The following EXOC6B variants were observed in gnomAD, a reference collection of about 807,000 sequenced individuals.
EXOC6B encodes the protein exocyst complex component 6B.
A neutral mutation model predicts 113.5 loss-of-function variants in EXOC6B; 54 were observed. The observed-to-expected ratio is 0.48, with a 90% CI of 0.38 to 0.60. The LOEUF is 0.60. EXOC6B is among the 20% of genes least tolerant of loss of function. EXOC6B has a pLI of 0.00. For synonymous variants in EXOC6B, 357 were observed against 339.0 expected, an observed-to-expected ratio of 1.05 and a Z score of -0.58; for missense variants, 797 against 977.5, an observed-to-expected ratio of 0.82 and a Z score of 2.46.
At chr2:72,302,529 A>G (rs1686593944) in intron 20 of EXOC6B, among the ~76,000 whole-genome samples, 1 of 152,174 alleles carries the variant, frequency 6.6e-6, no homozygotes, top group Non-Finnish European at 1.5e-5. Context: ...GTGCATATAT[A>G]CTTAAGATAA....
intron 1 of EXOC6B, among the ~76,000 whole-genome samples, chr2:72,781,813 C>G (rs1684056205): frequency 6.6e-6 from 1 of 151,948 alleles, no homozygotes; most frequent in African/African-American, 2.4e-5. Flanking sequence ...AAAGGACATG[C>G]AATCATACGT....
chr2:72,397,617 CAA>C (rs1229846045), intron 18 of EXOC6B, among the ~76,000 whole-genome samples: 1 of 93,408 alleles, frequency 1.1e-5, no homozygotes. Flanking sequence ...AACCTCATCT[CAA>C]AAAAAAAAAA....
intron 6 of EXOC6B, among the ~76,000 whole-genome samples, chr2:72,713,328 T>C (rs1041614725): frequency 6.6e-6 from 1 of 152,208 alleles, no homozygotes; most frequent in Non-Finnish European, 1.5e-5. Flanking sequence ...CTTTCAAGTC[T>C]GTTTTCTCAG....
rs868340403 is a variant in EXOC6B, at chr2:72,575,120, G to A, written c.846+372C>T. On this transcript the variant is annotated intron_variant, in intron 7 of 21. Coordinates refer to ENST00000272427, the MANE Select transcript of EXOC6B (RefSeq NM_015189.3). ...ATTTGTTCACTCTTCAGCTTTCGAA[G>A]TAACATTTTTTTGTTTTTCTGGACT... 3.3e-5 allele frequency among the ~76,000 whole-genome samples: 5 copies of A among 152,212 alleles called. No individual in the cohort carries two copies. In the South Asian group the frequency reaches 1.0e-3, roughly 32 times the overall value.
intron 7 of EXOC6B, among the ~76,000 whole-genome samples, chr2:72,563,831 A>G (rs866958025): frequency 3.3e-5 from 5 of 152,296 alleles, no homozygotes; most frequent in Middle Eastern, 3.4e-3. Context: ...AGTTCCTCTC[A>G]TGGCACATGA....
chr2:72,577,130 C>T (rs1342802180), intron 6 of EXOC6B, among the ~76,000 whole-genome samples: 1 of 152,014 alleles, frequency 6.6e-6, no homozygotes, highest in African/African-American at 2.4e-5. Flanking sequence ...AATGGACATA[C>T]TTGTTTCTCT....
intron 6 of EXOC6B, among the ~76,000 whole-genome samples, chr2:72,594,692 G>A (rs1190868316): frequency 6.6e-6 from 1 of 152,020 alleles, no homozygotes; most frequent in Non-Finnish European, 1.5e-5. Flanking sequence ...TATTTTCTAT[G>A]AGAAAAAAGA....
chr2:72,739,292 T>A (rs762888499), intron 2 of EXOC6B, among the ~76,000 whole-genome samples: 1 of 152,168 alleles, frequency 6.6e-6, no homozygotes, highest in Non-Finnish European at 1.5e-5. Context: ...CACCTTATTG[T>A]TTAAATTTGC....
chr2:72,615,601 A>C (rs1671336658), intron 6 of EXOC6B, among the ~76,000 whole-genome samples: 1 of 151,928 alleles, frequency 6.6e-6, no homozygotes, highest in Non-Finnish European at 1.5e-5. Context: ...AAAAAAAAAA[A>C]AAAACCACTG....
chr2:72,629,019 AT>A (rs890883806), intron 6 of EXOC6B, among the ~76,000 whole-genome samples: 3 of 152,138 alleles, frequency 2.0e-5, no homozygotes, highest in Non-Finnish European at 4.4e-5. Flanking sequence ...TCAATTTTCC[AT>A]GTTTAACCCT....
intron 6 of EXOC6B, among the ~76,000 whole-genome samples, chr2:72,716,627 T>C (rs1199334200): frequency 6.6e-6 from 1 of 152,150 alleles, no homozygotes; most frequent in Non-Finnish European, 1.5e-5. Flanking sequence ...TTGAGTACCA[T>C]AGTAGACAAA....
intron 19 of EXOC6B, among the ~76,000 whole-genome samples, chr2:72,378,453 C>G (rs969616571): frequency 5.9e-5 from 9 of 152,286 alleles, no homozygotes. Flanking sequence ...GCAAGATTAC[C>G]TTATGTGTTT....
intron 1 of EXOC6B, among the ~76,000 whole-genome samples, chr2:72,754,232 T>A (rs1682250961): frequency 6.6e-6 from 1 of 152,024 alleles, no homozygotes; most frequent in Admixed American, 6.6e-5. Context: ...AAGAAACTGC[T>A]TTGGTTCATA....
chr2:72,441,112 C>T (rs1326170835), intron 18 of EXOC6B, among the ~76,000 whole-genome samples: 1 of 152,096 alleles, frequency 6.6e-6, no homozygotes, highest in Non-Finnish European at 1.5e-5. Flanking sequence ...TCTTGTAAGG[C>T]AGATAAGGTG....
At chr2:72,399,977 C>A (rs953566923) in intron 18 of EXOC6B, among the ~76,000 whole-genome samples, 2 of 152,028 alleles carry the variant, frequency 1.3e-5, no homozygotes, top group South Asian at 2.1e-4. Context: ...ATAGCCAAAG[C>A]AATGTTAAGT....
chr2:72,176,258 C>CA lies in EXOC6B; in HGVS notation c.*3076dup, dbSNP rs368104740. On this transcript the variant is annotated 3_prime_UTR_variant, in exon 22 of 22. Coordinates refer to ENST00000272427, the MANE Select transcript of EXOC6B (RefSeq NM_015189.3). ...TGTGAAAAGTAATTGTGAATGCAGG[C>CA]AAAAAAAAAAAAAACAAAAAGGAAG... The CA allele has an allele frequency of 0.31, 30,115 of 96,970 alleles. 3,227 individuals are homozygous for CA. Among genetic ancestry groups the CA allele is most frequent in the Non-Finnish European group, 0.34 (15,640 of 45,852 alleles). The allele number at this position is 96,970 out of a possible 1,614,324, so 6.0% of individuals were successfully genotyped here. A position where few individuals can be genotyped will look rare whatever the true frequency, so the allele number is the denominator to read the frequency against.
At chr2:72,635,460 A>G (rs1469388739) in intron 6 of EXOC6B, among the ~76,000 whole-genome samples, 1 of 152,194 alleles carries the variant, frequency 6.6e-6, no homozygotes, top group Non-Finnish European at 1.5e-5. Flanking sequence ...GACAAAGTAG[A>G]TGAAATAGAC....
chr2:72,685,327 G>A lies in EXOC6B; in HGVS notation c.669+32776C>T, dbSNP rs11901510. ...TCTCCAGATATAGTCTCATTTTGTG[G>A]CAAGCAAAGTCAATTTCCCTCTACT... On this transcript the variant is annotated intron_variant, in intron 6 of 21. Coordinates refer to ENST00000272427, the MANE Select transcript of EXOC6B (RefSeq NM_015189.3). 4.3e-3 allele frequency among the ~76,000 whole-genome samples: 651 copies of A among 152,222 alleles called. 8 individuals are homozygous for A. The highest frequency in any genetic ancestry group is 0.015 in the African/African-American group (611 of 41,542).
intron 20 of EXOC6B, among the ~76,000 whole-genome samples, chr2:72,279,398 C>T (rs140835962): frequency 1.9e-3 from 294 of 152,210 alleles, no homozygotes; most frequent in Non-Finnish European, 3.7e-3. Flanking sequence ...AGTAGAGGAT[C>T]AGATGGATTT....
Sources: allele counts gnomAD v4.1 joint callset (sites outside exome capture counted in the v4.1 genomes callset), GRCh38; gene constraint gnomAD v4.1.1; transcripts MANE v1.5; gene names NCBI Gene and HGNC (gene_info 2026-07-23, HGNC 2026-07-21).